ZNRF2: variants seen among roughly 807,000 people sequenced by gnomAD.
The protein encoded by ZNRF2 is zinc and ring finger 2, also known as E3 ubiquitin-protein ligase ZNRF2.
In ZNRF2, 16 loss-of-function variants were observed where a neutral mutation model predicts 20.4. The ratio of observed to expected loss-of-function variants is 0.79; its 90% CI spans 0.53 to 1.19. The LOEUF is 1.19. ZNRF2 is among the 50% of genes most tolerant of loss of function. The pLI is 0.00. For missense variants in ZNRF2, 363 were observed against 332.4 expected (o/e 1.09, Z -0.72); for synonymous variants, 178 against 144.9 (o/e 1.23, Z -1.64).
At chr7:30,349,003 TG>T (rs1799921690) in intron 2 of ZNRF2, among the ~76,000 whole-genome samples, 1 of 152,226 alleles carries the variant, frequency 6.6e-6, no homozygotes, top group Non-Finnish European at 1.5e-5. Context: ...GATTTATAAA[TG>T]TAATGATAGT....
In ZNRF2 at chr7:30,351,410, T is replaced by C. The variant is rs527347508; in HGVS notation, c.566-4318T>C. On this transcript the variant is annotated intron_variant, in intron 2 of 4. Coordinates refer to ENST00000323037, the MANE Select transcript of ZNRF2 (RefSeq NM_147128.4). ...GTTTTTTCATCACCGTCCATAGTTCTATTGGACAGAGCTGTTTTAAATTGT... is the reference window on the plus strand; with the variant it reads ...GTTTTTTCATCACCGTCCATAGTTCCATTGGACAGAGCTGTTTTAAATTGT... 7.9e-5 allele frequency among the ~76,000 whole-genome samples: 12 copies of C among 152,190 alleles called. No individual in the cohort carries two copies. The South Asian group carries it at 2.5e-3, about 31-fold the overall frequency.
intron 1 of ZNRF2, among the ~76,000 whole-genome samples, chr7:30,295,100 T>TGTGTGA (rs879278173): frequency 3.7e-5 from 5 of 136,120 alleles, no homozygotes; most frequent in Non-Finnish European, 6.2e-5. Context: ...TGTGTGTGTG[T>TGTGTGA]GATTGCAGGT....
At chr7:30,286,261 CAAATG>C (rs1798787294) in intron 1 of ZNRF2, among the ~76,000 whole-genome samples, 1 of 152,190 alleles carries the variant, frequency 6.6e-6, no homozygotes, top group Non-Finnish European at 1.5e-5. Flanking sequence ...CAAAGCGTCT[CAAATG>C]AACACTGAGT....
At chr7:30,312,811 G>A (rs939621768) in intron 1 of ZNRF2, among the ~76,000 whole-genome samples, 5 of 152,116 alleles carry the variant, frequency 3.3e-5, no homozygotes, top group Non-Finnish European at 7.4e-5. Flanking sequence ...TAAGTCTAAT[G>A]AATTTGTTAT....
At position 30,301,693 on chromosome 7, in the gene ZNRF2, CTT is replaced by C. The variant is rs1196745011; in HGVS notation, c.469+15873_469+15874del. Among the ~76,000 whole-genome samples, 477 of 116,370 alleles carry C rather than the reference CTT, an allele frequency of 4.1e-3. 2 individuals carry two copies. The highest frequency in any genetic ancestry group is 0.014 in the South Asian group (54 of 3,920). 76.3% of individuals were successfully genotyped at this position (116,370 alleles called of 152,430 possible). On this transcript the variant is annotated intron_variant, in intron 1 of 4. Transcript: ENST00000323037. ...CAAAATGGACTACAGGATAATGAGGCTTTTTTTAAAAAAAAAAAAAAAAAAAA... is the reference window on the plus strand; with the variant it reads ...CAAAATGGACTACAGGATAATGAGGCTTTTTAAAAAAAAAAAAAAAAAAAA...
intron 1 of ZNRF2, among the ~76,000 whole-genome samples, chr7:30,298,020 A>G (rs1388331364): frequency 6.6e-6 from 1 of 152,118 alleles, no homozygotes; most frequent in African/African-American, 2.4e-5. Flanking sequence ...GCATGCCACC[A>G]TAGGGACTTT....
At chr7:30,327,757 A>G (rs1319480746) in intron 2 of ZNRF2, among the ~76,000 whole-genome samples, 8 of 151,960 alleles carry the variant, frequency 5.3e-5, no homozygotes, top group Admixed American at 5.3e-4. Flanking sequence ...GTGGCTATCT[A>G]TAGGCACAGT....
At chr7:30,349,125 A>C (rs1220084647) in intron 2 of ZNRF2, among the ~76,000 whole-genome samples, 1 of 152,218 alleles carries the variant, frequency 6.6e-6, no homozygotes, top group African/African-American at 2.4e-5. Flanking sequence ...CAATCAGCTA[A>C]CATTTAGTGC....
chr7:30,333,669 A>G (rs946128865), intron 2 of ZNRF2, among the ~76,000 whole-genome samples: 1 of 152,092 alleles, frequency 6.6e-6, no homozygotes, highest in African/African-American at 2.4e-5. Flanking sequence ...CACCCAGCCC[A>G]TATTTTGACT....
intron 1 of ZNRF2, among the ~76,000 whole-genome samples, chr7:30,305,485 CCTT>C (rs1370485422): frequency 6.6e-6 from 1 of 151,786 alleles, no homozygotes; most frequent in Non-Finnish European, 1.5e-5. Context: ...AGTTTGTTCT[CCTT>C]GTTTTTTAAA....
chr7:30,303,275 AAAG>A (rs1163499370), intron 1 of ZNRF2, among the ~76,000 whole-genome samples: 2 of 151,720 alleles, frequency 1.3e-5, no homozygotes, highest in African/African-American at 2.4e-5. Flanking sequence ...AAAAAAAAAA[AAAG>A]AAAAAGAAAA....
intron 1 of ZNRF2, among the ~76,000 whole-genome samples, chr7:30,301,740 A>G (rs1799120501): frequency 6.6e-6 from 1 of 150,438 alleles, no homozygotes; most frequent in Admixed American, 6.6e-5. Flanking sequence ...TTTGTCTTAG[A>G]TTTGAATATA....
At chr7:30,328,712 A>G (rs1262772692) in intron 2 of ZNRF2, among the ~76,000 whole-genome samples, 1 of 152,166 alleles carries the variant, frequency 6.6e-6, no homozygotes, top group East Asian at 1.9e-4. Context: ...AATGCACAAT[A>G]TATCTGAACA....
chr7:30,325,755 C>T (rs558519246), intron 2 of ZNRF2, among the ~76,000 whole-genome samples: 16 of 152,250 alleles, frequency 1.1e-4, no homozygotes, highest in African/African-American at 3.6e-4. Flanking sequence ...TGGTTTTAAG[C>T]AGTTACTTGG....
At chr7:30,358,037 G>GA (rs761264252) in intron 3 of ZNRF2, among the ~76,000 whole-genome samples, 1 of 152,062 alleles carries the variant, frequency 6.6e-6, no homozygotes, top group Non-Finnish European at 1.5e-5. Context: ...GGAATGCAAA[G>GA]AAACTGTAAG....
At chr7:30,343,615 C>T (rs960573164) in intron 2 of ZNRF2, among the ~76,000 whole-genome samples, 1 of 151,632 alleles carries the variant, frequency 6.6e-6, no homozygotes, top group Admixed American at 6.6e-5. Flanking sequence ...AATGTTTATG[C>T]CTTATGTTCA....
rs1020412792 is a variant in ZNRF2, at chr7:30,357,857, A to T, written c.671+2024A>T. 2.0e-5 allele frequency among the ~76,000 whole-genome samples: 3 copies of T among 152,198 alleles called. No individual in the cohort carries two copies. The East Asian group carries it at 5.8e-4, about 29-fold the overall frequency. On this transcript the variant is annotated intron_variant, in intron 3 of 4. Coordinates refer to ENST00000323037, the MANE Select transcript of ZNRF2 (RefSeq NM_147128.4). The stretch of plus-strand genomic sequence containing the variant: ...CCCATTTATTTTATGAGAAAAGTAT[A>T]AACTTGATACAAACTCAGATAAGGA...
intron 2 of ZNRF2, among the ~76,000 whole-genome samples, chr7:30,355,441 T>C (rs1052379680): frequency 2.6e-5 from 4 of 152,178 alleles, no homozygotes; most frequent in Non-Finnish European, 5.9e-5. Context: ...TTGATAAAGT[T>C]ATAGAGCAAA....
At chr7:30,341,863 G>A (rs1450648251) in intron 2 of ZNRF2, among the ~76,000 whole-genome samples, 4 of 152,046 alleles carry the variant, frequency 2.6e-5, no homozygotes, top group African/African-American at 4.8e-5. Context: ...CTAAGTCTCT[G>A]TAGGTCTCTA....
Sources: gnomAD v4.1 joint callset for allele counts (sites outside exome capture counted in the v4.1 genomes callset) on GRCh38, gnomAD v4.1.1 for gene constraint, MANE v1.5 for transcripts, NCBI Gene and HGNC (gene_info 2026-07-23, HGNC 2026-07-21) for gene names.